PCDHA12: variants seen among roughly 807,000 people sequenced by gnomAD.
PCDHA12 encodes protocadherin alpha 12, also known as protocadherin alpha-12.
In PCDHA12, 44 loss-of-function variants were observed where a neutral mutation model predicts 60.0. The observed-to-expected ratio is 0.73, with a 90% CI of 0.58 to 0.94. The LOEUF is 0.94. Ranked by LOEUF, PCDHA12 falls within the 40% of genes least tolerant of loss-of-function variation. The pLI, the probability that PCDHA12 is intolerant of heterozygous loss-of-function variation, is 0.00. For synonymous variants in PCDHA12, 569 were observed against 553.0 expected, an observed-to-expected ratio of 1.03 and a Z score of -0.40; for missense variants, 1,276 against 1,239.7, an observed-to-expected ratio of 1.03 and a Z score of -0.44.
chr5:140,976,466 G>C (rs1404890940), intron 1 of PCDHA12, among the ~76,000 whole-genome samples: 1 of 152,104 alleles, frequency 6.6e-6, no homozygotes, highest in African/African-American at 2.4e-5. Flanking sequence ...AAGAAGAATT[G>C]CTTGAATCCG....
chr5:140,890,283 A>G (rs1554184241), intron 1 of PCDHA12, among the ~76,000 whole-genome samples: 2 of 152,192 alleles, frequency 1.3e-5, no homozygotes, highest in Admixed American at 1.3e-4. Flanking sequence ...CACTCAGTTG[A>G]GTCAGAACCA....
At chr5:140,925,812 A>G (rs2082739434) in intron 1 of PCDHA12, among the ~76,000 whole-genome samples, 1 of 151,890 alleles carries the variant, frequency 6.6e-6, no homozygotes. Flanking sequence ...TCCACTTCTC[A>G]CGTCTTCTTT....
chr5:140,964,000 T>C (rs900134447), intron 1 of PCDHA12, among the ~76,000 whole-genome samples: 2 of 152,218 alleles, frequency 1.3e-5, no homozygotes, highest in African/African-American at 2.4e-5. Flanking sequence ...TACTGTGTTC[T>C]ACTTTTTAAT....
At chr5:141,000,608 A>G (rs1554257700) in intron 3 of PCDHA12, among the ~76,000 whole-genome samples, 2 of 150,664 alleles carry the variant, frequency 1.3e-5, no homozygotes, top group African/African-American at 4.9e-5. Context: ...TTGTATTTTT[A>G]GTAGAGACAG....
chr5:140,973,073 C>T (rs1372527958), intron 1 of PCDHA12, among the ~76,000 whole-genome samples: 1 of 151,988 alleles, frequency 6.6e-6, no homozygotes, highest in Non-Finnish European at 1.5e-5. Context: ...TCTCAGTGGG[C>T]CCAGCTGGCA....
At chr5:140,922,980 A>G (rs2081098580) in intron 1 of PCDHA12, among the ~76,000 whole-genome samples, 1 of 152,244 alleles carries the variant, frequency 6.6e-6, no homozygotes, top group African/African-American at 2.4e-5. Flanking sequence ...TATCTCAGAC[A>G]ATAGGCAAGC....
chr5:140,927,071 G>A lies in PCDHA12; in HGVS notation c.2367+49232G>A. 3 of 1,611,088 alleles carry A rather than the reference G, an allele frequency of 1.9e-6. No homozygotes were observed. The highest frequency in any genetic ancestry group is 2.5e-6 in the Non-Finnish European group (3 of 1,177,862). On this transcript the variant is annotated intron_variant, in intron 1 of 3. Transcript: ENST00000398631. ...TCGCGGAACTTTCGCTTCCTTTCCAGCCACCGCGAGCTCTACTTCGGGGTG... is the reference window on the plus strand; with the variant it reads ...TCGCGGAACTTTCGCTTCCTTTCCAACCACCGCGAGCTCTACTTCGGGGTG...
chr5:140,923,959 C>A (rs2153570659), intron 1 of PCDHA12, among the ~76,000 whole-genome samples: 1 of 152,348 alleles, frequency 6.6e-6, no homozygotes, highest in Non-Finnish European at 1.5e-5. Context: ...ACGCCCTAAT[C>A]TATACCCACA....
Position 140,875,909 on chromosome 5 carries a change from C to A in PCDHA12, c.437C>A (p.Ala146Glu), listed in dbSNP as rs1554168058. Residue 146 changes from alanine to glutamate, a missense_variant, in exon 1 of 4, where the codon GCG (alanine) becomes GAG (glutamate). Transcript: ENST00000398631. ...CAAAAGGTACCTGTTTCTGAATCTG[C>A]GCCTCTGGACTCTCATTTTCCTCTA... ...REQKVPVSES[A>E]PLDSHFPLEG... 2 of 1,614,048 alleles carry A rather than the reference C, an allele frequency of 1.2e-6. No individual in the cohort carries two copies. Among genetic ancestry groups the A allele is most frequent in the African/African-American group, 2.7e-5 (2 of 74,922 alleles).
At chr5:140,985,739 C>CA (rs781951589) in intron 3 of PCDHA12, among the ~76,000 whole-genome samples, 2 of 117,920 alleles carry the variant, frequency 1.7e-5, no homozygotes, top group Non-Finnish European at 3.4e-5. Flanking sequence ...TGATGAATTC[C>CA]TTTTTTTTTT....
Position 140,876,728 on chromosome 5 carries a change from C to G in PCDHA12, c.1256C>G (p.Ser419Trp), listed in dbSNP as rs200398819. The stretch of plus-strand genomic sequence containing the variant: ...AGCGCCCTGGACCGCGAGAGCGTGT[C>G]GGCCTATGAGCTGGTGGTGACTGCG... ...LDSALDRESV[S>W]AYELVVTARD... Residue 419 changes from serine to tryptophan, a missense_variant, in exon 1 of 4, where the codon TCG becomes TGG. Ser to Trp is a radical substitution (Grantham distance 177, BLOSUM62 -3). Coordinates refer to ENST00000398631, the MANE Select transcript of PCDHA12 (RefSeq NM_018903.4). 2.5e-6 allele frequency: 4 copies of G among 1,614,244 alleles called. No individual in the cohort carries two copies. The highest frequency in any genetic ancestry group is 2.7e-5 in the African/African-American group (2 of 75,070).
intron 1 of PCDHA12, among the ~76,000 whole-genome samples, chr5:140,959,421 TTTG>T (rs1393541693): frequency 6.6e-6 from 1 of 152,102 alleles, no homozygotes; most frequent in East Asian, 1.9e-4. Flanking sequence ...GATCTGAGAA[TTTG>T]TGTATTTTTT....
chr5:140,886,368 C>A (rs1174734883), intron 1 of PCDHA12, among the ~76,000 whole-genome samples: 1 of 152,040 alleles, frequency 6.6e-6, no homozygotes, highest in Non-Finnish European at 1.5e-5. Flanking sequence ...GGTGTACATG[C>A]CATGGTGTGC....
chr5:140,928,645 G>A (rs782494285), intron 1 of PCDHA12: 4 of 1,614,084 alleles, frequency 2.5e-6, no homozygotes, highest in Non-Finnish European at 2.5e-6. Context: ...AAAAGTGGTA[G>A]CAGAGGATGC....
chr5:140,908,949 G>A (rs2074237561), intron 1 of PCDHA12, among the ~76,000 whole-genome samples: 1 of 152,144 alleles, frequency 6.6e-6, no homozygotes, highest in South Asian at 2.1e-4. Context: ...CTTCACCTTA[G>A]AAGGAATATC....
intron 3 of PCDHA12, among the ~76,000 whole-genome samples, chr5:140,988,245 G>C (rs17286877): frequency 0.027 from 4,184 of 152,286 alleles, 88 homozygotes; most frequent in Non-Finnish European, 0.043. Flanking sequence ...GAGTGGGGCA[G>C]CTCCCGCCTG....
At chr5:140,997,897 A>C (rs13175095) in intron 3 of PCDHA12, among the ~76,000 whole-genome samples, 9,880 of 152,266 alleles carry the variant, frequency 0.065, 363 homozygotes, top group East Asian at 0.12. Flanking sequence ...GATAAATTTC[A>C]AGAAGTAGAA....
chr5:140,985,228 C>G (rs1022229644), intron 3 of PCDHA12, among the ~76,000 whole-genome samples: 4 of 152,156 alleles, frequency 2.6e-5, no homozygotes, highest in Non-Finnish European at 4.4e-5. Context: ...TGAGCCACCG[C>G]GCCTGGCCTA....
intron 3 of PCDHA12, among the ~76,000 whole-genome samples, chr5:140,991,948 A>G (rs2097482017): frequency 6.6e-6 from 1 of 152,046 alleles, no homozygotes; most frequent in Non-Finnish European, 1.5e-5. Flanking sequence ...TAAAATTAGA[A>G]TGCAGTCATT....
Sources: gnomAD v4.1 joint callset for allele counts (sites outside exome capture counted in the v4.1 genomes callset) on GRCh38, gnomAD v4.1.1 for gene constraint, MANE v1.5 for transcripts, NCBI Gene and HGNC (gene_info 2026-07-23, HGNC 2026-07-21) for gene names.